ADPGK: variants seen among roughly 807,000 people sequenced by gnomAD.
ADPGK encodes the protein ADP dependent glucokinase.
Under a neutral mutation model 42.4 loss-of-function variants are expected in ADPGK, and 26 were observed. The ratio of observed to expected loss-of-function variants is 0.61; its 90% CI spans 0.45 to 0.85. The LOEUF is 0.85. ADPGK is among the 40% of genes least tolerant of loss of function. The pLI, the probability that ADPGK is intolerant of heterozygous loss-of-function variation, is 0.00. For synonymous variants in ADPGK, 267 were observed against 252.6 expected (o/e 1.06, Z -0.54); for missense variants, 571 against 627.0 (o/e 0.91, Z 0.95).
At chr15:72,760,729 G>A (rs893930454) in intron 3 of ADPGK, among the ~76,000 whole-genome samples, 1 of 152,092 alleles carries the variant, frequency 6.6e-6, no homozygotes, top group African/African-American at 2.4e-5. Flanking sequence ...GGAGGGTATG[G>A]CCATAATGTA....
intron 2 of ADPGK, 22 bp downstream of exon 2, chr15:72,774,850 A>C (rs376113552): frequency 1.3e-4 from 198 of 1,582,862 alleles, no homozygotes; most frequent in Non-Finnish European, 1.6e-4. Flanking sequence ...CCCTTAATTT[A>C]CTATTGCTGA....
At chr15:72,768,501 T>A (rs1272487587) in intron 3 of ADPGK, among the ~76,000 whole-genome samples, 2 of 152,024 alleles carry the variant, frequency 1.3e-5, no homozygotes, top group Non-Finnish European at 2.9e-5. Context: ...ACTCCCTCTC[T>A]ACTAAAAAAT....
intron 1 of ADPGK, among the ~76,000 whole-genome samples, chr15:72,777,596 T>A (rs11631214): frequency 0.53 from 80,675 of 151,658 alleles, 23,278 homozygotes; most frequent in Middle Eastern, 0.68. Flanking sequence ...GAGAATCGCT[T>A]GAACCCGGGA....
chr15:72,758,920 A>T (rs1193202285), intron 4 of ADPGK, among the ~76,000 whole-genome samples: 2 of 152,148 alleles, frequency 1.3e-5, no homozygotes, highest in African/African-American at 4.8e-5. Context: ...GTCCACAGTC[A>T]GGTCATTCTT....
In ADPGK at chr15:72,770,125, AAGG is replaced by A. The variant is rs1473067133; in HGVS notation, c.522+1655_522+1657del. 4.6e-5 allele frequency among the ~76,000 whole-genome samples: 7 copies of A among 152,320 alleles called. No homozygotes were observed. The East Asian group carries it at 1.2e-3, about 25-fold the overall frequency. ...TTGAGAGTGCATACAGGGTGAAGTA[AAGG>A]CAGAGCCTGACACTTGAATCCTGAC... On this transcript the variant is annotated intron_variant, in intron 3 of 6. Coordinates refer to ENST00000456471, the MANE Select transcript of ADPGK (RefSeq NM_001365225.1).
At chr15:72,755,262 C>G (rs977266277) in intron 6 of ADPGK, among the ~76,000 whole-genome samples, 2 of 152,242 alleles carry the variant, frequency 1.3e-5, no homozygotes, top group Admixed American at 6.5e-5. Context: ...CTGAAAGCAG[C>G]TGAGCTGGGC....
chr15:72,773,244 T>C (rs569251477), intron 2 of ADPGK, among the ~76,000 whole-genome samples: 2 of 152,326 alleles, frequency 1.3e-5, no homozygotes, highest in East Asian at 3.9e-4. Flanking sequence ...CAATTCTAGA[T>C]GGTAGACATC....
chr15:72,764,996 GAA>G (rs56080191), intron 3 of ADPGK, among the ~76,000 whole-genome samples: 302 of 136,584 alleles, frequency 2.2e-3, no homozygotes, highest in Middle Eastern at 3.9e-3. Context: ...CTACTGCTCA[GAA>G]AAAAAAAAAA....
At chr15:72,779,138 A>G (rs2066425080) in intron 1 of ADPGK, among the ~76,000 whole-genome samples, 1 of 152,180 alleles carries the variant, frequency 6.6e-6, no homozygotes, top group Admixed American at 6.5e-5. Flanking sequence ...GATACAATAA[A>G]GAATTATCTA....
chr15:72,758,199 A>T (rs2066141026), intron 4 of ADPGK: 1 of 1,433,758 alleles, frequency 7.0e-7, no homozygotes. Flanking sequence ...GCCCCGTTGG[A>T]GAGGCCATGC....
chr15:72,760,247 G>GTT, intron 4 of ADPGK, 160 bp downstream of exon 4: 6 of 867,924 alleles, frequency 6.9e-6, no homozygotes, highest in Non-Finnish European at 9.9e-6. Context: ...ACAACGGCCA[G>GTT]TATCAGCTCA....
At chr15:72,761,642 T>C (rs1324237796) in intron 3 of ADPGK, among the ~76,000 whole-genome samples, 1 of 151,742 alleles carries the variant, frequency 6.6e-6, no homozygotes, top group Non-Finnish European at 1.5e-5. Context: ...CACTGAACAA[T>C]GAGGACGGCA....
Position 72,752,808 on chromosome 15 carries a change from G to C in ADPGK, c.1027C>G (p.Leu343Val). The C allele has an allele frequency of 6.2e-7, 1 of 1,614,256 alleles. No individual in the cohort carries two copies. The change falls in exon 7 of 7, where the codon CTC becomes GTC. Residue 343 changes from leucine to valine, a missense_variant. Around this residue, in one of 2 missense-constraint regions of ADPGK, gnomAD observed 434 missense variants for 522.7 expected, o/e 0.83. Transcript: ENST00000456471. ...TCAGGAACACCGTTCCAGGAAGAGA[G>C]AGAAGAGTGAGGTCCAGAGGCTGAC... ...TQSASGPHSSLSSWNGVPDVG... is the reference protein window; with the variant it reads ...TQSASGPHSSVSSWNGVPDVG...
At chr15:72,758,335 G>A in intron 4 of ADPGK, 1 of 639,830 alleles carries the variant, frequency 1.6e-6, no homozygotes, top group Non-Finnish European at 2.9e-6. Context: ...CCCTCAGCCA[G>A]TAAGTCAGCA....
At chr15:72,770,100 T>C (rs1415561072) in intron 3 of ADPGK, among the ~76,000 whole-genome samples, 6 of 152,240 alleles carry the variant, frequency 3.9e-5, no homozygotes, top group Admixed American at 6.5e-5. Flanking sequence ...CTGAGTCTCT[T>C]TGAGAGTGCA....
At chr15:72,757,201 C>CTTTTTTTTTT (rs34450649) in intron 4 of ADPGK, 3 of 123,402 alleles carry the variant, frequency 2.4e-5, no homozygotes, top group African/African-American at 6.0e-5. Context: ...TTCTTTTTTC[C>CTTTTTTTTTT]TTTTTTTTTT....
intron 3 of ADPGK, among the ~76,000 whole-genome samples, chr15:72,771,419 T>A (rs2066327534): frequency 1.3e-5 from 2 of 152,208 alleles, no homozygotes; most frequent in South Asian, 4.1e-4. Flanking sequence ...ACATGGGTTA[T>A]TGGGTCAGAC....
chr15:72,753,829 A>AT (rs946584623), intron 6 of ADPGK, among the ~76,000 whole-genome samples: 5 of 152,160 alleles, frequency 3.3e-5, no homozygotes, highest in African/African-American at 1.2e-4. Context: ...GAAATGGCTC[A>AT]TTTTTTTAAA....
At chr15:72,753,039 C>A (rs2066068167) in intron 6 of ADPGK, 144 bp from the exon 7 acceptor site, 1 of 756,054 alleles carries the variant, frequency 1.3e-6, no homozygotes. Flanking sequence ...CCTGAAGTCA[C>A]TGTTTTAGCT....
Sources: allele counts gnomAD v4.1 joint callset (sites outside exome capture counted in the v4.1 genomes callset), GRCh38; gene constraint gnomAD v4.1.1; regional missense constraint gnomAD v4.1.1; transcripts MANE v1.5; gene names NCBI Gene and HGNC (gene_info 2026-07-23, HGNC 2026-07-21).